Variants in COL4A6 observed in about 807,000 individuals in gnomAD.
The protein encoded by COL4A6 is collagen alpha-6(IV) chain.
A neutral mutation model predicts 126.7 loss-of-function variants in COL4A6; 59 were observed. The observed-to-expected ratio is 0.47, with a 90% CI of 0.38 to 0.58. The LOEUF (loss-of-function observed/expected upper bound fraction) is 0.58. Among genes scored for constraint, COL4A6 ranks in the 20% least tolerant of loss-of-function variants. COL4A6 has a pLI of 0.00. For synonymous variants in COL4A6, 547 were observed against 496.6 expected (o/e 1.10, Z -1.35); for missense variants, 1,285 against 1,337.3 (o/e 0.96, Z 0.61).
chrX:108,339,851 C>T (rs2039516066), intron 2 of COL4A6, among the ~76,000 whole-genome samples: 1 of 111,130 alleles, frequency 9.0e-6, no homozygotes, highest in African/African-American at 3.3e-5. Flanking sequence ...ATTCTTGCTA[C>T]GGCTTTTCTG....
chrX:108,203,735 C>G (rs374160824), intron 12 of COL4A6, among the ~76,000 whole-genome samples: 58 of 112,532 alleles, frequency 5.2e-4, no homozygotes, highest in African/African-American at 1.8e-3. Flanking sequence ...AGGTAGTATA[C>G]AGTGACTCAC....
At chrX:108,245,240 C>T (rs2036685236) in intron 3 of COL4A6, among the ~76,000 whole-genome samples, 1 of 112,377 alleles carries the variant, frequency 8.9e-6, no homozygotes, top group South Asian at 3.7e-4. Flanking sequence ...CTTCACCACT[C>T]TGCAGTTTGA....
At chrX:108,407,668 T>C (rs767596220) in intron 2 of COL4A6, among the ~76,000 whole-genome samples, 2 of 111,744 alleles carry the variant, frequency 1.8e-5, no homozygotes, top group East Asian at 5.6e-4. Context: ...GGACCTAGAG[T>C]TAGTATCTGA....
At chrX:108,305,496 T>C (rs2038604279) in intron 3 of COL4A6, among the ~76,000 whole-genome samples, 1 of 110,986 alleles carries the variant, frequency 9.0e-6, no homozygotes, top group Admixed American at 9.6e-5. Context: ...TAAGCAAGAG[T>C]TTCATGATAC....
intron 2 of COL4A6, among the ~76,000 whole-genome samples, chrX:108,412,404 C>T (rs1223604698): frequency 1.8e-5 from 2 of 111,762 alleles, no homozygotes; most frequent in African/African-American, 6.5e-5. Flanking sequence ...CATATAGTCT[C>T]TCACGCTTAA....
chrX:108,436,526 C>A (rs2064270027), intron 2 of COL4A6, among the ~76,000 whole-genome samples: 1 of 112,599 alleles, frequency 8.9e-6, no homozygotes, highest in Non-Finnish European at 1.9e-5. Flanking sequence ...ATGCATGACA[C>A]TTTTACAAGT....
intron 2 of COL4A6, among the ~76,000 whole-genome samples, chrX:108,356,017 G>T (rs770420981): frequency 2.7e-5 from 3 of 110,064 alleles, no homozygotes; most frequent in Non-Finnish European, 5.7e-5. Context: ...AAACCTAGGC[G>T]ATCTTGCTTG....
intron 3 of COL4A6, among the ~76,000 whole-genome samples, chrX:108,274,793 C>T (rs2037552312): frequency 9.0e-6 from 1 of 111,585 alleles, no homozygotes; most frequent in African/African-American, 3.3e-5. Context: ...TCTCAGGTCC[C>T]AGCCACATGG....
At chrX:108,210,117 C>G in intron 7 of COL4A6, 113 bp from the exon 8 acceptor site, 1 of 707,571 alleles carries the variant, frequency 1.4e-6, no homozygotes, top group Non-Finnish European at 2.1e-6. Context: ...CTTGGGCCTC[C>G]TCTGTCAAAG....
At position 108,191,486 on chromosome X, in the gene COL4A6, C is replaced by T; in HGVS notation, c.1228G>A (p.Asp410Asn). ...GPQGFPGLKG[D>N]QGNPGRTTIG... ...GTGGTACGGCCTGGGTTTCCTTGGT[C>T]CCCCTTCAGCCCTGGAAATCCCTGA... Residue 410 changes from aspartate (D) to asparagine (N), a missense_variant, in exon 19 of 45, where the codon GAC (aspartate) becomes AAC (asparagine). Coordinates refer to ENST00000334504, the MANE Select transcript of COL4A6 (RefSeq NM_033641.4). 1 of 1,210,905 alleles carries T rather than the reference C, an allele frequency of 8.3e-7. No homozygotes were observed. The highest frequency in any genetic ancestry group is 1.1e-6 in the Non-Finnish European group (1 of 895,062).
At chrX:108,241,266 AG>A (rs1468557171) in intron 3 of COL4A6, among the ~76,000 whole-genome samples, 1 of 110,369 alleles carries the variant, frequency 9.1e-6, no homozygotes, top group Non-Finnish European at 1.9e-5. Flanking sequence ...ATGGTACCAT[AG>A]AATGCTCAGA....
intron 2 of COL4A6, among the ~76,000 whole-genome samples, chrX:108,404,148 T>C (rs189376624): frequency 8.9e-6 from 1 of 111,918 alleles, no homozygotes; most frequent in Non-Finnish European, 1.9e-5. Flanking sequence ...AAATAAATTG[T>C]TGCCTTTTGT....
At chrX:108,169,835 CTA>C (rs1476434180) in intron 36 of COL4A6, 108 bp downstream of exon 36, 2 of 853,630 alleles carry the variant, frequency 2.3e-6, no homozygotes, top group African/African-American at 2.0e-5. Context: ...ATAAGGAGAG[CTA>C]TGAGTCCAAG....
chrX:108,369,537 C>T (rs1243961089), intron 2 of COL4A6, among the ~76,000 whole-genome samples: 1 of 111,862 alleles, frequency 8.9e-6, no homozygotes, highest in Non-Finnish European at 1.9e-5. Flanking sequence ...AGAACTATCA[C>T]TGTACCTAGC....
intron 23 of COL4A6, among the ~76,000 whole-genome samples, chrX:108,185,785 G>T (rs749465115): frequency 8.4e-4 from 94 of 112,165 alleles, no homozygotes; most frequent in African/African-American, 2.9e-3. Flanking sequence ...GTTGGGGAAA[G>T]TAAAAGCAGT....
At chrX:108,379,911 C>G (rs2040527518) in intron 2 of COL4A6, among the ~76,000 whole-genome samples, 1 of 111,101 alleles carries the variant, frequency 9.0e-6, no homozygotes, top group South Asian at 3.9e-4. Flanking sequence ...TGCCCCTGAC[C>G]CTGTTTGTGT....
At chrX:108,167,572 G>C (rs1264547328) in intron 37 of COL4A6, among the ~76,000 whole-genome samples, 2 of 110,960 alleles carry the variant, frequency 1.8e-5, no homozygotes, top group Non-Finnish European at 3.8e-5. Flanking sequence ...CTGGGCTCAA[G>C]CAATCTGCCT....
chrX:108,158,703 A>AAG (rs1211104728), intron 44 of COL4A6, among the ~76,000 whole-genome samples: 2 of 112,120 alleles, frequency 1.8e-5, no homozygotes, highest in Non-Finnish European at 3.8e-5. Context: ...GTCATTTTTA[A>AAG]AGACACTCTC....
intron 2 of COL4A6, among the ~76,000 whole-genome samples, chrX:108,391,156 T>C (rs924736822): frequency 9.0e-6 from 1 of 111,292 alleles, no homozygotes; most frequent in Non-Finnish European, 1.9e-5. Context: ...TGTCTCCCAG[T>C]CAGGATAAAC....
Sources: gnomAD v4.1 joint callset for allele counts (sites outside exome capture counted in the v4.1 genomes callset) on GRCh38, gnomAD v4.1.1 for gene constraint, MANE v1.5 for transcripts, NCBI Gene and HGNC (gene_info 2026-07-23, HGNC 2026-07-21) for gene names.